Variants in GPT2 observed in about 807,000 individuals in gnomAD.
GPT2 encodes alanine aminotransferase 2.
Under a neutral mutation model 56.9 loss-of-function variants are expected in GPT2, and 30 were observed. The ratio of observed to expected loss-of-function variants is 0.53; its 90% CI spans 0.39 to 0.72. GPT2 has a LOEUF of 0.72. Ranked by LOEUF, GPT2 falls within the 30% of genes least tolerant of loss-of-function variation. GPT2 has a pLI of 0.00. For missense variants in GPT2, 542 were observed against 703.4 expected (o/e 0.77, Z 2.60); for synonymous variants, 271 against 283.1 (o/e 0.96, Z 0.43).
Position 46,928,966 on chromosome 16 carries a change from TC to T in GPT2, c.1543del (p.His515ThrfsTer13). ...LKTVLQKVKD[F>X]HINFLEKYA ...ACGGTGCTGCAGAAGGTGAAAGACT[TC>T]CACATCAACTTCCTGGAGAAGTACG... On this transcript the variant is annotated frameshift_variant, in exon 12 of 12. Transcript: ENST00000340124. LOFTEE classifies it high-confidence loss of function. 1 of 1,614,136 alleles carries T rather than the reference TC, an allele frequency of 6.2e-7. No homozygotes were observed. The highest frequency in any genetic ancestry group is 8.5e-7 in the Non-Finnish European group (1 of 1,180,002).
intron 10 of GPT2, among the ~76,000 whole-genome samples, chr16:46,926,175 G>A (rs987326023): frequency 4.7e-5 from 7 of 149,212 alleles, no homozygotes; most frequent in Middle Eastern, 3.2e-3. Flanking sequence ...TAGTCCGAGC[G>A]CGGTGGCTCA....
intron 6 of GPT2, among the ~76,000 whole-genome samples, chr16:46,911,006 T>A (rs1215176251): frequency 6.6e-6 from 1 of 152,234 alleles, no homozygotes; most frequent in Non-Finnish European, 1.5e-5. Context: ...ATCATAGGCC[T>A]CATTTTACCG....
intron 2 of GPT2, among the ~76,000 whole-genome samples, chr16:46,896,710 G>A (rs1011555255): frequency 6.6e-6 from 1 of 152,100 alleles, no homozygotes; most frequent in East Asian, 1.9e-4. Flanking sequence ...CATCTGGCCC[G>A]GAGCTGCCTT....
chr16:46,928,408 AG>A (rs1961460424), intron 11 of GPT2, among the ~76,000 whole-genome samples: 1 of 151,996 alleles, frequency 6.6e-6, no homozygotes, highest in Non-Finnish European at 1.5e-5. Context: ...GCAGATCATG[AG>A]GTCAGGAGTT....
chr16:46,925,179 C>T (rs72812448), intron 10 of GPT2, among the ~76,000 whole-genome samples: 4,466 of 151,856 alleles, frequency 0.029, 93 homozygotes, highest in Non-Finnish European at 0.05. Flanking sequence ...TCCCAAAGTG[C>T]TGGAATTGCA....
In GPT2 at chr16:46,884,723, GGGCGGCGGCGCTGGTCC is replaced by G; in HGVS notation, c.14_30del (p.Ala5GlyfsTer122). The G allele has an allele frequency of 7.2e-7, 1 of 1,380,004 alleles. No individual in the cohort carries two copies. The highest frequency in any genetic ancestry group is 9.4e-7 in the Non-Finnish European group (1 of 1,065,176). The allele number at this position is 1,380,004 out of a possible 1,614,324, so 85.5% of individuals were successfully genotyped here. A position where few individuals can be genotyped will look rare whatever the true frequency, so the allele number is the denominator to read the frequency against. On this transcript the variant is annotated frameshift_variant, in exon 2 of 12. Coordinates refer to ENST00000340124, the MANE Select transcript of GPT2 (RefSeq NM_133443.4). LOFTEE classifies it high-confidence loss of function. ...TCTCTCCGCAAGCGCGCGATGCAGC[GGGCGGCGGCGCTGGTCC>G]GGCGGGGCTGTGGTCCCCGGACCCC...
chr16:46,910,816 G>T (rs969875802), intron 6 of GPT2, among the ~76,000 whole-genome samples: 4 of 152,006 alleles, frequency 2.6e-5, no homozygotes, highest in African/African-American at 7.2e-5. Context: ...TCCCAGGCTG[G>T]TCTTAACTCC....
chr16:46,916,014 A>G (rs1346163772), intron 6 of GPT2: 2 of 151,206 alleles, frequency 1.3e-5, no homozygotes, highest in Non-Finnish European at 2.9e-5. Flanking sequence ...CACCACACCT[A>G]CAAATACCAC....
intron 2 of GPT2, among the ~76,000 whole-genome samples, chr16:46,885,993 G>T (rs968952632): frequency 2.0e-5 from 3 of 152,120 alleles, no homozygotes; most frequent in Non-Finnish European, 4.4e-5. Flanking sequence ...AGCTTCAGGG[G>T]GATCATGACA....
chr16:46,899,387 C>T (rs2143409291), intron 3 of GPT2, among the ~76,000 whole-genome samples: 1 of 152,256 alleles, frequency 6.6e-6, no homozygotes, highest in Non-Finnish European at 1.5e-5. Context: ...GGAGGTTGAG[C>T]CCCAAGAACA....
In GPT2 at chr16:46,897,678, C is replaced by G. The variant is rs190315044; in HGVS notation, c.274C>G (p.Arg92Gly). Residue 92 changes from arginine (R) to glycine (G), a missense_variant, in exon 3 of 12, where the codon CGA (arginine) becomes GGA (glycine). Transcript: ENST00000340124. ...CAAAAAGCCATTCACAGAGGTCATC[C>G]GAGCCAACATCGGGGACGCCCAGGC... ...GIKKPFTEVI[R>G]ANIGDAQAMG... 6.2e-7 allele frequency: 1 copy of G among 1,614,134 alleles called. No individual in the cohort carries two copies. Among genetic ancestry groups the G allele is most frequent in the Non-Finnish European group, 8.5e-7 (1 of 1,179,978 alleles).
rs1596871706 is a variant in GPT2, at chr16:46,906,895, T to C, written c.496T>C (p.Tyr166His). 1 of 1,614,206 alleles carries C rather than the reference T, an allele frequency of 6.2e-7. No homozygotes were observed. Among genetic ancestry groups the C allele is most frequent in the Non-Finnish European group, 8.5e-7 (1 of 1,180,036 alleles). Residue 166 changes from tyrosine to histidine, a missense_variant, in exon 5 of 12, where the codon TAC (tyrosine) becomes CAC (histidine). By Grantham distance (83) the Tyr-to-His change is moderately conservative. Coordinates refer to ENST00000340124, the MANE Select transcript of GPT2 (RefSeq NM_133443.4). Reference protein sequence around the residue: ...VNCIREDVAAYITRRDGGVPA... With the variant: ...VNCIREDVAAHITRRDGGVPA... Reference sequence around the variant, plus strand: ...CTGCATCCGTGAAGATGTGGCTGCCTACATCACCAGGAGGGATGGCGGTGT... The same window carrying C: ...CTGCATCCGTGAAGATGTGGCTGCCCACATCACCAGGAGGGATGGCGGTGT...
chr16:46,889,246 A>ATTT (rs35803215), intron 2 of GPT2, among the ~76,000 whole-genome samples: 2,690 of 94,932 alleles, frequency 0.028, 190 homozygotes, highest in East Asian at 0.051. Context: ...CAGGCTGTTA[A>ATTT]TTTTTTTTTT....
chr16:46,922,906 ACTT>A (rs1961322196), intron 9 of GPT2, among the ~76,000 whole-genome samples: 1 of 152,156 alleles, frequency 6.6e-6, no homozygotes, highest in South Asian at 2.1e-4. Flanking sequence ...GTCCAGGCTC[ACTT>A]CTTTTTTAAA....
At position 46,884,940 on chromosome 16, in the gene GPT2, C is replaced by G. The variant is rs1960454226; in HGVS notation, c.225C>G (p.Ile75Met). The G allele has an allele frequency of 6.6e-7, 1 of 1,520,796 alleles. No individual in the cohort carries two copies. The highest frequency in any genetic ancestry group is 1.4e-5 in the African/African-American group (1 of 71,204). 94.2% of individuals were successfully genotyped at this position (1,520,796 alleles called of 1,614,324 possible). A position where few individuals can be genotyped will look rare whatever the true frequency, so the allele number is the denominator to read the frequency against. The change falls in exon 2 of 12, where the codon ATC (isoleucine) becomes ATG (methionine). Residue 75 changes from isoleucine to methionine, a missense_variant. Coordinates refer to ENST00000340124, the MANE Select transcript of GPT2 (RefSeq NM_133443.4). ...CCATCGTGCTCAAGGCCGGCGAGAT[C>G]GAGCTCGAGCTGCAGCGGGTGAGCG... Reference protein sequence around the residue: ...RGPIVLKAGEIELELQRGIKK... With the variant: ...RGPIVLKAGEMELELQRGIKK...
At chr16:46,921,001 T>G (rs889617920) in intron 8 of GPT2, among the ~76,000 whole-genome samples, 1 of 152,210 alleles carries the variant, frequency 6.6e-6, no homozygotes, top group Non-Finnish European at 1.5e-5. Flanking sequence ...TCTCTGCTCA[T>G]CAGCAAAGGA....
intron 4 of GPT2, among the ~76,000 whole-genome samples, chr16:46,902,354 A>C (rs1465704331): frequency 2.0e-5 from 3 of 151,954 alleles, no homozygotes; most frequent in Non-Finnish European, 4.4e-5. Flanking sequence ...CTTTGTACCC[A>C]CCTCCTCGGC....
intron 8 of GPT2, among the ~76,000 whole-genome samples, chr16:46,919,345 G>A (rs778721907): frequency 2.0e-5 from 3 of 152,100 alleles, no homozygotes; most frequent in Non-Finnish European, 4.4e-5. Context: ...TGCGTCCCAC[G>A]GAGAACAGTC....
rs1182190671 is a variant in GPT2 at position 46,924,459 on chromosome 16, C to A, written c.1283C>A (p.Pro428Gln). 6.2e-7 allele frequency: 1 copy of A among 1,614,208 alleles called. No individual in the cohort carries two copies. Among genetic ancestry groups the A allele is most frequent in the East Asian group, 2.2e-5 (1 of 44,882 alleles). The change falls in exon 10 of 12, where the codon CCA (proline) becomes CAA (glutamine). Residue 428 changes from proline (P) to glutamine (Q), a missense_variant. Transcript: ENST00000340124. ...KLTEDLFNQVPGIHCNPLQGA... is the reference protein window; with the variant it reads ...KLTEDLFNQVQGIHCNPLQGA... ...ACGGAAGACCTGTTTAACCAAGTCC[C>A]AGGAATTCACTGCAACCCCTTGCAG...
Sources: gnomAD v4.1 joint callset for allele counts (sites outside exome capture counted in the v4.1 genomes callset) on GRCh38, gnomAD v4.1.1 for gene constraint, MANE v1.5 for transcripts, NCBI Gene and HGNC (gene_info 2026-07-23, HGNC 2026-07-21) for gene names.